PACSIN1: variants seen among roughly 807,000 people sequenced by gnomAD.
PACSIN1 encodes protein kinase C and casein kinase substrate in neurons 1.
In PACSIN1, 15 loss-of-function variants were observed where a neutral mutation model predicts 59.5. The observed-to-expected ratio is 0.25, with a 90% CI of 0.17 to 0.39. The LOEUF (loss-of-function observed/expected upper bound fraction) is 0.39. PACSIN1 is among the 10% of genes least tolerant of loss of function. The pLI is 1.00. For synonymous variants in PACSIN1, 210 were observed against 220.6 expected (o/e 0.95, Z 0.42); for missense variants, 420 against 580.2 (o/e 0.72, Z 2.84).
In PACSIN1 at chr6:34,532,716, C is replaced by G; in HGVS notation, c.*186C>G. 1.7e-6 allele frequency: 1 copy of G among 574,724 alleles called. No individual in the cohort carries two copies. The highest frequency in any genetic ancestry group is 3.1e-6 in the Non-Finnish European group (1 of 320,922). 35.6% of individuals were successfully genotyped at this position (574,724 alleles called of 1,614,324 possible). The stretch of plus-strand genomic sequence containing the variant: ...GAGCATTTGCAGGGCCACCTGGAGG[C>G]TGGGGTGCTGGGGCTTGGGGTGGCC... On this transcript the variant is annotated 3_prime_UTR_variant, in exon 10 of 10. Coordinates refer to ENST00000244458, the MANE Select transcript of PACSIN1 (RefSeq NM_020804.5). The surrounding 1 kb of genome is among the most constrained non-coding windows in gnomAD (Gnocchi z 5.2).
In PACSIN1 at chr6:34,515,736, T is replaced by C. The variant is rs1767280527; in HGVS notation, c.-63-10507T>C. 6.6e-6 allele frequency among the ~76,000 whole-genome samples: 1 copy of C among 152,162 alleles called. No individual in the cohort carries two copies. Among genetic ancestry groups the C allele is most frequent in the Non-Finnish European group, 1.5e-5 (1 of 68,024 alleles). On this transcript the variant is annotated intron_variant, in intron 1 of 9. Coordinates refer to ENST00000244458, the MANE Select transcript of PACSIN1 (RefSeq NM_020804.5). The surrounding 1 kb of genome is among the most constrained non-coding windows in gnomAD (Gnocchi z 4.4). ...CAAGCCCAGGGTCTCCAAGTTGGGG[T>C]ACCAGGGAGCAGGCCTCTGATGGGG...
At position 34,528,706 on chromosome 6, in the gene PACSIN1, C is replaced by T. The variant is rs781030736; in HGVS notation, c.285C>T (p.Ser95=). The change falls in exon 4 of 10, where the codon AGC becomes AGT. Residue 95 remains serine (S), a synonymous_variant. Coordinates refer to ENST00000244458, the MANE Select transcript of PACSIN1 (RefSeq NM_020804.5). The part of the protein sequence containing the change: ...GAIMTEADKV[S]ELHQEVKNNL... ...TAATGACAGAGGCAGACAAGGTGAG[C>T]GAGCTGCACCAGGAGGTGAAGAACA... is the stretch of plus-strand genomic sequence containing the variant. 9 of 1,613,882 alleles carry T rather than the reference C, an allele frequency of 5.6e-6. No individual in the cohort carries two copies. The highest frequency in any genetic ancestry group is 3.3e-5 in the Admixed American group (2 of 59,998).
Position 34,516,709 on chromosome 6 carries a change from T to C in PACSIN1, c.-63-9534T>C, listed in dbSNP as rs1351789464. ...CCTCCTCTAGGCCCGGGCCCCTCCC[T>C]GTCAGGTTGCTGCTTCACAGGTTGG... On this transcript the variant is annotated intron_variant, in intron 1 of 9. Coordinates refer to ENST00000244458, the MANE Select transcript of PACSIN1 (RefSeq NM_020804.5). This position sits in a 1 kb window ranked among gnomAD's most constrained non-coding sequence, Gnocchi z 5.4. Among the ~76,000 whole-genome samples, 3 of 152,238 alleles carry C rather than the reference T, an allele frequency of 2.0e-5. No homozygotes were observed. In the East Asian group the frequency reaches 5.8e-4, roughly 29 times the overall value.
intron 1 of PACSIN1, among the ~76,000 whole-genome samples, chr6:34,478,395 T>C (rs1234336005): frequency 3.7e-5 from 3 of 80,902 alleles, no homozygotes; most frequent in African/African-American, 4.9e-5. Flanking sequence ...TTTTTTGAGA[T>C]GGAGTCTCGC....
chr6:34,468,266 A>G (rs1454170135), intron 1 of PACSIN1, among the ~76,000 whole-genome samples: 2 of 152,236 alleles, frequency 1.3e-5, no homozygotes, highest in Non-Finnish European at 2.9e-5. Flanking sequence ...GCCTGTGTCT[A>G]TGAAGGACAT....
In PACSIN1 at chr6:34,521,938, T is replaced by C. The variant is rs937897859; in HGVS notation, c.-63-4305T>C. Among the ~76,000 whole-genome samples, 104 of 152,156 alleles carry C rather than the reference T, an allele frequency of 6.8e-4. No homozygotes were observed. Among genetic ancestry groups the C allele is most frequent in the African/African-American group, 2.1e-3 (87 of 41,514 alleles). On this transcript the variant is annotated intron_variant, in intron 1 of 9. Transcript: ENST00000244458. The surrounding 1 kb of genome is among the most constrained non-coding windows in gnomAD (Gnocchi z 4.3). ...GAATCCAGATTATTTGGCTCCAGAG[T>C]CTGGGATGTAATCCTACTCTGCGCT... is the stretch of plus-strand genomic sequence containing the variant.
rs1383403910 is a variant in PACSIN1, at chr6:34,515,451, G to A, written c.-63-10792G>A. Among the ~76,000 whole-genome samples, 1 of 152,140 alleles carries A rather than the reference G, an allele frequency of 6.6e-6. No individual in the cohort carries two copies. The highest frequency in any genetic ancestry group is 1.5e-5 in the Non-Finnish European group (1 of 68,006). On this transcript the variant is annotated intron_variant, in intron 1 of 9. Coordinates refer to ENST00000244458, the MANE Select transcript of PACSIN1 (RefSeq NM_020804.5). This position sits in a 1 kb window ranked among gnomAD's most constrained non-coding sequence, Gnocchi z 4.4. Reference sequence around the variant, plus strand: ...GCGGCAGAGGGCAGGGAGGAGTAAGGATGCCCCTGCCCCACTCAAGGCACT... The same window carrying A: ...GCGGCAGAGGGCAGGGAGGAGTAAGAATGCCCCTGCCCCACTCAAGGCACT...
rs1207915412 is a variant in PACSIN1 at position 34,514,086 on chromosome 6, G to C, written c.-63-12157G>C. Among the ~76,000 whole-genome samples, 1 of 152,224 alleles carries C rather than the reference G, an allele frequency of 6.6e-6. No individual in the cohort carries two copies. The highest frequency in any genetic ancestry group is 2.4e-5 in the African/African-American group (1 of 41,454). ...CGTGTGTGTGTGTTATAGGTGCACT[G>C]TAGGAAGATACACAGACTTGTGGAA... On this transcript the variant is annotated intron_variant, in intron 1 of 9. Coordinates refer to ENST00000244458, the MANE Select transcript of PACSIN1 (RefSeq NM_020804.5). The surrounding 1 kb of genome is among the most constrained non-coding windows in gnomAD (Gnocchi z 4.4).
In PACSIN1 at chr6:34,531,537, C is replaced by A; in HGVS notation, c.1038-63C>A. ...GGATCAGGGCTCTGATTAGGAGGAG[C>A]GGTTAGCCCTCGGGATGCGGTACGG... On this transcript the variant is annotated intron_variant, in intron 8 of 9. Coordinates refer to ENST00000244458, the MANE Select transcript of PACSIN1 (RefSeq NM_020804.5). The surrounding 1 kb of genome is among the most constrained non-coding windows in gnomAD (Gnocchi z 4.4). 1 of 1,522,112 alleles carries A rather than the reference C, an allele frequency of 6.6e-7. No homozygotes were observed. The highest frequency in any genetic ancestry group is 9.0e-7 in the Non-Finnish European group (1 of 1,106,898). The allele number at this position is 1,522,112 out of a possible 1,614,324, so 94.3% of individuals were successfully genotyped here.
intron 4 of PACSIN1, 34 bp downstream of exon 4, chr6:34,528,911 GT>G: frequency 8.0e-7 from 1 of 1,256,816 alleles, no homozygotes; most frequent in Non-Finnish European, 1.1e-6. Flanking sequence ...GCGGGGTGGG[GT>G]GGGCCCGTCT....
At chr6:34,483,286 G>A (rs1368272069) in intron 1 of PACSIN1, among the ~76,000 whole-genome samples, 2 of 152,176 alleles carry the variant, frequency 1.3e-5, no homozygotes, top group Non-Finnish European at 2.9e-5. Flanking sequence ...GATTACAGGC[G>A]TGAGCCACCA....
At chr6:34,469,361 G>C (rs926139771) in intron 1 of PACSIN1, among the ~76,000 whole-genome samples, 1 of 152,172 alleles carries the variant, frequency 6.6e-6, no homozygotes, top group African/African-American at 2.4e-5. Flanking sequence ...TGGGCACTTC[G>C]TAACTGATTT....
At chr6:34,517,276 C>T (rs1767309758) in intron 1 of PACSIN1, among the ~76,000 whole-genome samples, 1 of 152,150 alleles carries the variant, frequency 6.6e-6, no homozygotes, top group Non-Finnish European at 1.5e-5. Flanking sequence ...CATTCTGAGC[C>T]CCCATCTTCC....
intron 1 of PACSIN1, 42 bp from the exon 2 acceptor site, chr6:34,526,201 G>C: frequency 1.1e-6 from 1 of 932,410 alleles, no homozygotes; most frequent in Non-Finnish European, 1.7e-6. Flanking sequence ...AGGGTGGAAG[G>C]CCCTTCCCTC....
intron 1 of PACSIN1, among the ~76,000 whole-genome samples, chr6:34,495,220 A>G (rs1354839224): frequency 2.6e-5 from 4 of 152,106 alleles, no homozygotes; most frequent in Non-Finnish European, 4.4e-5. Context: ...TAACTCTCCC[A>G]GTGGTTATTT....
intron 1 of PACSIN1, among the ~76,000 whole-genome samples, chr6:34,469,723 A>G (rs1320455142): frequency 6.6e-6 from 1 of 152,134 alleles, no homozygotes; most frequent in African/African-American, 2.4e-5. Flanking sequence ...GCATCTGCCC[A>G]CTGAGGTCGC....
At chr6:34,478,662 C>T (rs924155648) in intron 1 of PACSIN1, among the ~76,000 whole-genome samples, 4 of 152,204 alleles carry the variant, frequency 2.6e-5, no homozygotes, top group African/African-American at 7.2e-5. Context: ...TGAGCCACCA[C>T]ACTCAGCCTA....
chr6:34,467,553 CTTTT>C (rs61324041), intron 1 of PACSIN1, among the ~76,000 whole-genome samples: 1 of 90,792 alleles, frequency 1.1e-5, no homozygotes, highest in Non-Finnish European at 2.0e-5. Flanking sequence ...TAGGCCCTTC[CTTTT>C]TTTTTTTTTT....
intron 1 of PACSIN1, among the ~76,000 whole-genome samples, chr6:34,517,894 G>A (rs1337603915): frequency 6.6e-6 from 1 of 152,206 alleles, no homozygotes; most frequent in African/African-American, 2.4e-5. Context: ...CACTGCTGTA[G>A]CCCAGCTCTG....
Sources: allele counts gnomAD v4.1 joint callset (sites outside exome capture counted in the v4.1 genomes callset), GRCh38; gene constraint gnomAD v4.1.1; non-coding constraint Gnocchi (gnomAD v3.1); transcripts MANE v1.5; gene names NCBI Gene and HGNC (gene_info 2026-07-23, HGNC 2026-07-21).